The following AEBP2 variants were observed in gnomAD, a reference collection of about 807,000 sequenced individuals.
The protein encoded by AEBP2 is zinc finger protein AEBP2.
In AEBP2, 10 loss-of-function variants were observed where a neutral mutation model predicts 50.8. The ratio of observed to expected loss-of-function variants is 0.20; its 90% CI spans 0.12 to 0.33. AEBP2 has a LOEUF of 0.33. Ranked by LOEUF, AEBP2 falls within the 10% of genes least tolerant of loss-of-function variation. The pLI, the probability that AEBP2 is intolerant of heterozygous loss-of-function variation, is 1.00. For missense variants in AEBP2, 570 were observed against 688.0 expected (o/e 0.83, Z 1.92); for synonymous variants, 296 against 261.3 (o/e 1.13, Z -1.28).
At chr12:19,432,077 C>T (rs2095751710) in intron 1 of AEBP2, among the ~76,000 whole-genome samples, 1 of 152,096 alleles carries the variant, frequency 6.6e-6, no homozygotes, top group Non-Finnish European at 1.5e-5. Context: ...AAACCTGCTG[C>T]CATGGGGGCT....
intron 5 of AEBP2, among the ~76,000 whole-genome samples, chr12:19,505,317 T>G (rs541884368): frequency 6.6e-6 from 1 of 152,366 alleles, no homozygotes; most frequent in Admixed American, 6.5e-5. Context: ...GTTCATTCAC[T>G]TATTAAACTG....
intron 1 of AEBP2, chr12:19,440,853 A>G (rs1947944896): frequency 1.7e-6 from 2 of 1,163,160 alleles, no homozygotes; most frequent in Admixed American, 4.7e-5. Flanking sequence ...CCCAGCTATC[A>G]CTTTTCTCTA....
chr12:19,424,678 G>A (rs937206640), intron 1 of AEBP2, among the ~76,000 whole-genome samples: 3 of 151,942 alleles, frequency 2.0e-5, no homozygotes, highest in Non-Finnish European at 4.4e-5. Context: ...TTACAGGCGT[G>A]AGCCACCGCG....
At chr12:19,509,145 C>A in intron 5 of AEBP2, 1 of 480,896 alleles carries the variant, frequency 2.1e-6, no homozygotes, top group Non-Finnish European at 3.9e-6. Context: ...TGTGGTGGTT[C>A]CATGTGTGCT....
upstream of AEBP2, among the ~76,000 whole-genome samples, chr12:19,436,882 G>A (rs1947866226): frequency 6.6e-6 from 1 of 152,016 alleles, no homozygotes. Flanking sequence ...TTACAAGAGT[G>A]AGCCACTGCA....
At chr12:19,452,966 T>C (rs1230410342) in intron 1 of AEBP2, among the ~76,000 whole-genome samples, 1 of 114,424 alleles carries the variant, frequency 8.7e-6, no homozygotes, top group Non-Finnish European at 1.9e-5. Context: ...ACGTTCTTTT[T>C]TTTTTTTTTT....
chr12:19,514,297 G>A (rs777383662), intron 6 of AEBP2, among the ~76,000 whole-genome samples: 1 of 152,068 alleles, frequency 6.6e-6, no homozygotes, highest in Non-Finnish European at 1.5e-5. Flanking sequence ...ACCGCACTGG[G>A]CCCTTTTATT....
chr12:19,453,338 G>T (rs1377670375), intron 1 of AEBP2, among the ~76,000 whole-genome samples: 1 of 151,584 alleles, frequency 6.6e-6, no homozygotes, highest in Admixed American at 6.6e-5. Context: ...GGCTGGTCTC[G>T]AACTCTTGGC....
At position 19,518,583 on chromosome 12, in the gene AEBP2, A is replaced by G; in HGVS notation, c.*466A>G. ...TTTATTGATTTGAAGTCATATTAGG[A>G]AATATTTAGACAATGAAAATTATCA... is the stretch of plus-strand genomic sequence containing the variant. On this transcript the variant is annotated 3_prime_UTR_variant, in exon 8 of 8. Transcript: ENST00000266508. The G allele has an allele frequency of 7.3e-7, 1 of 1,374,490 alleles. No individual in the cohort carries two copies. 85.1% of individuals were successfully genotyped at this position (1,374,490 alleles called of 1,614,324 possible).
At chr12:19,427,259 C>T (rs2095749021) in intron 1 of AEBP2, among the ~76,000 whole-genome samples, 1 of 151,796 alleles carries the variant, frequency 6.6e-6, no homozygotes, top group South Asian at 2.1e-4. Flanking sequence ...TGCCTGTAGC[C>T]CCAGCTACTC....
chr12:19,500,141 A>C lies in AEBP2; in HGVS notation c.1219A>C (p.Arg407=). 6.2e-7 allele frequency: 1 copy of C among 1,606,604 alleles called. No individual in the cohort carries two copies. Among genetic ancestry groups the C allele is most frequent in the Non-Finnish European group, 8.5e-7 (1 of 1,176,482 alleles). The change falls in exon 5 of 8, where the codon AGA becomes CGA. Residue 407 remains arginine (R), a synonymous_variant. Coordinates refer to ENST00000266508, the MANE Select transcript of AEBP2 (RefSeq NM_153207.5). The part of the protein sequence containing the change: ...FFDAQTLDAI[R]HRAICFNLSA... Reference sequence around the variant, plus strand: ...CGATGCACAAACACTGGATGCGATAAGACATCGAGCCATATGCTTTAACCT... The same window carrying C: ...CGATGCACAAACACTGGATGCGATACGACATCGAGCCATATGCTTTAACCT...
chr12:19,477,453 A>C (rs1294557789), intron 3 of AEBP2, among the ~76,000 whole-genome samples: 1 of 152,096 alleles, frequency 6.6e-6, no homozygotes, highest in African/African-American at 2.4e-5. Flanking sequence ...TATTACGTTA[A>C]GGTATGTTAC....
chr12:19,488,222 C>A (rs1948842196), intron 3 of AEBP2, among the ~76,000 whole-genome samples: 1 of 150,684 alleles, frequency 6.6e-6, no homozygotes, highest in Admixed American at 6.6e-5. Flanking sequence ...CTCCTGGGCT[C>A]AGGTGGTCCT....
Position 19,452,554 on chromosome 12 carries a change from T to G in AEBP2, c.672-9956T>G, listed in dbSNP as rs1010043496. ...TCTTGAAGTACCTGTTTCATTTGGT[T>G]GTTTTAACTTTTAATCCCTTTGTCA... On this transcript the variant is annotated intron_variant, in intron 1 of 7. Coordinates refer to ENST00000266508, the MANE Select transcript of AEBP2 (RefSeq NM_153207.5). Among the ~76,000 whole-genome samples the G allele has an allele frequency of 6.6e-5, 10 of 152,296 alleles. No homozygotes were observed. In the South Asian group the frequency reaches 2.1e-3, roughly 32 times the overall value.
At chr12:19,429,265 A>G (rs1208140595) in intron 1 of AEBP2, among the ~76,000 whole-genome samples, 1 of 152,096 alleles carries the variant, frequency 6.6e-6, no homozygotes, top group Non-Finnish European at 1.5e-5. Flanking sequence ...GCTGAGAATG[A>G]TGGTTTCCAG....
Position 19,518,932 on chromosome 12 carries a change from C to A in AEBP2, c.*815C>A. On this transcript the variant is annotated 3_prime_UTR_variant, in exon 8 of 8. Transcript: ENST00000266508. ...GAATAATCTTCATATTTTCATTTAA[C>A]CTATATGACTCTAATTTTTTTTCTG... 3.1e-6 allele frequency: 1 copy of A among 326,942 alleles called. No homozygotes were observed. The highest frequency in any genetic ancestry group is 5.5e-6 in the Non-Finnish European group (1 of 183,472). The allele number at this position is 326,942 out of a possible 1,614,324, so 20.3% of individuals were successfully genotyped here.
At chr12:19,442,009 ATC>A (rs1371293767) in intron 1 of AEBP2, among the ~76,000 whole-genome samples, 3 of 152,320 alleles carry the variant, frequency 2.0e-5, no homozygotes, top group Non-Finnish European at 4.4e-5. Flanking sequence ...CAAGTTGAGT[ATC>A]TTACTCAGGA....
intron 1 of AEBP2, among the ~76,000 whole-genome samples, chr12:19,450,614 C>G (rs1948150626): frequency 2.2e-5 from 3 of 139,108 alleles, no homozygotes; most frequent in African/African-American, 5.4e-5. Context: ...AGGATAGCTT[C>G]AACCCAGGAG....
At chr12:19,510,836 C>A (rs188540522) in intron 5 of AEBP2, among the ~76,000 whole-genome samples, 1 of 140,564 alleles carries the variant, frequency 7.1e-6, no homozygotes, top group African/African-American at 2.7e-5. Flanking sequence ...TACTGTAATT[C>A]TGCAGTACAT....
Sources: gnomAD v4.1 joint callset for allele counts (sites outside exome capture counted in the v4.1 genomes callset) on GRCh38, gnomAD v4.1.1 for gene constraint, MANE v1.5 for transcripts, NCBI Gene and HGNC (gene_info 2026-07-23, HGNC 2026-07-21) for gene names.